The following AK9 variants were observed in gnomAD, a reference collection of about 807,000 sequenced individuals.
AK9 encodes adenylate kinase domain containing 1.
Under a neutral mutation model 239.6 loss-of-function variants are expected in AK9, and 191 were observed. The ratio of observed to expected loss-of-function variants is 0.80; its 90% CI spans 0.71 to 0.90. AK9 has a LOEUF of 0.90. Among genes scored for constraint, AK9 ranks in the 40% least tolerant of loss-of-function variants. The pLI, the probability that AK9 is intolerant of heterozygous loss-of-function variation, is 0.00. For synonymous variants in AK9, 689 were observed against 721.0 expected, an observed-to-expected ratio of 0.96 and a Z score of 0.71; for missense variants, 1,995 against 2,214.7, an observed-to-expected ratio of 0.90 and a Z score of 1.99.
chr6:109,611,336 A>G (rs950143412), intron 16 of AK9, among the ~76,000 whole-genome samples: 1 of 152,208 alleles, frequency 6.6e-6, no homozygotes, highest in African/African-American at 2.4e-5. Context: ...CCATGATCTT[A>G]CTGTGCCCAT....
intron 27 of AK9, among the ~76,000 whole-genome samples, chr6:109,540,184 A>G (rs946583270): frequency 2.0e-5 from 3 of 152,180 alleles, no homozygotes; most frequent in African/African-American, 7.2e-5. Context: ...TTGTTTGGCT[A>G]TGCCCTGCAC....
rs1490959951 is a variant in AK9 at position 109,662,650 on chromosome 6, A to C, written c.345T>G (p.Thr115=). ...CATCCTGTGAAAGTGATGGTATTTC[A>C]GTGATAATATAACCTGTAAAGTAAA... ...PEVCHFGYII[T]EIPSLSQDAM... is the part of the protein sequence containing the mutation. Residue 115 remains threonine, a synonymous_variant, in exon 6 of 41, where the codon ACT becomes ACG. Transcript: ENST00000424296. 6.4e-7 allele frequency: 1 copy of C among 1,565,570 alleles called. No homozygotes were observed.
At chr6:109,608,547 A>G (rs1478987393) in intron 17 of AK9, among the ~76,000 whole-genome samples, 1 of 152,074 alleles carries the variant, frequency 6.6e-6, no homozygotes, top group Non-Finnish European at 1.5e-5. Context: ...TGGCCATTTG[A>G]ATATTGTTTT....
chr6:109,511,131 T>G (rs767967164), intron 32 of AK9, among the ~76,000 whole-genome samples: 1 of 151,348 alleles, frequency 6.6e-6, no homozygotes, highest in Admixed American at 6.6e-5. Flanking sequence ...GGTGGCAAAA[T>G]TTTTGAGAGC....
intron 35 of AK9, among the ~76,000 whole-genome samples, chr6:109,504,006 T>G (rs1777856222): frequency 6.6e-6 from 1 of 152,168 alleles, no homozygotes; most frequent in East Asian, 1.9e-4. Flanking sequence ...TCTGCCCAAT[T>G]TGACCATCCT....
At chr6:109,643,918 A>G (rs561921682) in intron 9 of AK9, among the ~76,000 whole-genome samples, 3 of 152,278 alleles carry the variant, frequency 2.0e-5, no homozygotes, top group Non-Finnish European at 2.9e-5. Context: ...CTATTTAAAC[A>G]TAGTTTCAGA....
At chr6:109,536,869 T>G (rs2128140613) in intron 27 of AK9, among the ~76,000 whole-genome samples, 1 of 152,284 alleles carries the variant, frequency 6.6e-6, no homozygotes, top group Non-Finnish European at 1.5e-5. Context: ...AACCATCTGG[T>G]TTTTGTCTTT....
At chr6:109,651,445 A>T (rs1798931424) in intron 8 of AK9, among the ~76,000 whole-genome samples, 1 of 152,186 alleles carries the variant, frequency 6.6e-6, no homozygotes, top group African/African-American at 2.4e-5. Context: ...TTATAGCACT[A>T]AATGCCCACA....
At chr6:109,583,262 GA>G (rs1228320315) in intron 19 of AK9, among the ~76,000 whole-genome samples, 3 of 152,104 alleles carry the variant, frequency 2.0e-5, no homozygotes, top group African/African-American at 7.2e-5. Flanking sequence ...ACAGAACAAG[GA>G]AGAATTTTGC....
intron 7 of AK9, among the ~76,000 whole-genome samples, chr6:109,658,820 TAA>T (rs140804781): frequency 6.8e-6 from 1 of 146,742 alleles, no homozygotes; most frequent in Non-Finnish European, 1.5e-5. Context: ...AAGCTTAAAT[TAA>T]AAAAAAAAAG....
rs1181940271 is a variant in AK9 at position 109,619,191 on chromosome 6, G to A, written c.1300C>T (p.Arg434Cys). The A allele has an allele frequency of 5.8e-6, 9 of 1,549,730 alleles. No individual in the cohort carries two copies. Among genetic ancestry groups the A allele is most frequent in the African/African-American group, 2.7e-5 (2 of 72,836 alleles). Residue 434 changes from arginine to cysteine, a missense_variant, in exon 13 of 41, where the codon CGT becomes TGT. By Grantham distance (180) the Arg-to-Cys change is radical. This residue lies in a region of AK9 where 1,290 missense variants were observed against 1,392.7 expected (regional missense o/e 0.93). Coordinates refer to ENST00000424296, the MANE Select transcript of AK9 (RefSeq NM_001145128.3). ...ATGGTATTTTCTACTAATGTTTCAC[G>A]GGCTTTATCAAAACGTGGCTGAACA... ...QLVQPRFDKA[R>C]ETLVENTIAE...
chr6:109,559,037 AGAGGGGGGGTTCGCCATGTT>A (rs1785370463), intron 24 of AK9, among the ~76,000 whole-genome samples: 1 of 151,452 alleles, frequency 6.6e-6, no homozygotes, highest in Non-Finnish European at 1.5e-5. Context: ...TTTTCAATAG[AGAGGGGGGGTTCGCCATGTT>A]GGCTAAGCTG....
chr6:109,640,618 T>C (rs915084021), intron 10 of AK9, among the ~76,000 whole-genome samples: 4 of 151,996 alleles, frequency 2.6e-5, no homozygotes, highest in Admixed American at 6.6e-5. Context: ...AGAGTCTCGC[T>C]ATGTCCCAGG....
intron 35 of AK9, among the ~76,000 whole-genome samples, 153 bp downstream of exon 35, chr6:109,506,174 T>C (rs1209285792): frequency 5.9e-5 from 9 of 152,210 alleles, no homozygotes; most frequent in Non-Finnish European, 1.3e-4. Context: ...AATTGGATAA[T>C]ACTATTATAT....
intron 29 of AK9, among the ~76,000 whole-genome samples, chr6:109,518,465 T>C (rs1290229137): frequency 1.3e-5 from 2 of 152,132 alleles, no homozygotes; most frequent in Non-Finnish European, 2.9e-5. Context: ...CTGGCTCCAC[T>C]GAATAGCTCC....
At chr6:109,589,088 C>CTTTTTTTT (rs1294135333) in intron 17 of AK9, among the ~76,000 whole-genome samples, 2 of 151,986 alleles carry the variant, frequency 1.3e-5, no homozygotes, top group African/African-American at 4.8e-5. Context: ...ACAAATTTCA[C>CTTTTTTTT]TATTATTTTT....
intron 17 of AK9, among the ~76,000 whole-genome samples, chr6:109,588,470 A>G (rs929696904): frequency 6.6e-6 from 1 of 151,890 alleles, no homozygotes; most frequent in African/African-American, 2.4e-5. Context: ...GAGTTGTTTG[A>G]GTTTCTTGTA....
intron 16 of AK9, 90 bp from the exon 17 acceptor site, chr6:109,610,603 C>A: frequency 7.6e-7 from 1 of 1,312,980 alleles, no homozygotes; most frequent in South Asian, 1.4e-5. Context: ...AATATCTGAC[C>A]CAAGAAAGTA....
rs576971644 is a variant in AK9 at position 109,673,583 on chromosome 6, A to T, written c.181+615T>A. Among the ~76,000 whole-genome samples the T allele has an allele frequency of 3.9e-5, 6 of 152,182 alleles. No homozygotes were observed. In the South Asian group the frequency reaches 1.2e-3, roughly 32 times the overall value. On this transcript the variant is annotated intron_variant, in intron 3 of 40. Coordinates refer to ENST00000424296, the MANE Select transcript of AK9 (RefSeq NM_001145128.3). ...CTTATATATTGCAAAGAATGCAAGA[A>T]AATTTATAAATAAAAAATAAAAGTT...
Sources: gnomAD v4.1 joint callset for allele counts (sites outside exome capture counted in the v4.1 genomes callset) on GRCh38, gnomAD v4.1.1 for gene constraint, gnomAD v4.1.1 regional missense constraint, MANE v1.5 for transcripts, NCBI Gene and HGNC (gene_info 2026-07-23, HGNC 2026-07-21) for gene names.